FAM83D: variants seen among roughly 807,000 people sequenced by gnomAD.
The protein encoded by FAM83D is scaffolding CK1 anchoring protein D.
A neutral mutation model predicts 25.4 loss-of-function variants in FAM83D; 26 were observed. The observed-to-expected ratio is 1.02, with a 90% CI of 0.75 to 1.42. The LOEUF (loss-of-function observed/expected upper bound fraction) is 1.42. FAM83D is among the 40% of genes most tolerant of loss of function. The pLI is 0.00. For synonymous variants in FAM83D, 310 were observed against 318.5 expected (o/e 0.97, Z 0.28); for missense variants, 740 against 758.1 (o/e 0.98, Z 0.28).
At chr20:38,929,808 AAG>A (rs1205329495) in intron 1 of FAM83D, among the ~76,000 whole-genome samples, 1 of 151,788 alleles carries the variant, frequency 6.6e-6, no homozygotes, top group Non-Finnish European at 1.5e-5. Flanking sequence ...AAAAAAAAAA[AAG>A]TAATGCTTTC....
At chr20:38,951,060 G>C (rs1009590535) in intron 3 of FAM83D, among the ~76,000 whole-genome samples, 1 of 152,096 alleles carries the variant, frequency 6.6e-6, no homozygotes, top group African/African-American at 2.4e-5. Flanking sequence ...TGACCTCAAA[G>C]GATCTGCCCA....
intron 2 of FAM83D, among the ~76,000 whole-genome samples, chr20:38,946,197 CAAAAAAAAAAAAAA>C (rs56740383): frequency 3.8e-5 from 3 of 78,558 alleles, no homozygotes. Context: ...GACTCCACCT[CAAAAAAAAAAAAAA>C]AAAAAAAAAC....
At position 38,948,016 on chromosome 20, in the gene FAM83D, G is replaced by T. The variant is rs201643737; in HGVS notation, c.776+16G>T. 5.0e-6 allele frequency: 8 copies of T among 1,612,272 alleles called. No homozygotes were observed. The highest frequency in any genetic ancestry group is 2.2e-5 in the South Asian group (2 of 90,734). On this transcript the variant is annotated intron_variant, in intron 3 of 3. Coordinates refer to ENST00000619850, the MANE Select transcript of FAM83D (RefSeq NM_030919.3). ...GCTCCTACAGGTAAGTCTCTAACCCGTCCAAGGCTTATTAATCTAAACTCT... is the reference window on the plus strand; with the variant it reads ...GCTCCTACAGGTAAGTCTCTAACCCTTCCAAGGCTTATTAATCTAAACTCT...
rs1474318964 is a variant in FAM83D, at chr20:38,926,746, T to A, written c.304T>A (p.Phe102Ile). The A allele has an allele frequency of 6.5e-7, 1 of 1,536,048 alleles. No individual in the cohort carries two copies. Among genetic ancestry groups the A allele is most frequent in the African/African-American group, 1.4e-5 (1 of 71,964 alleles). ...SSHDCSSGTY[F>I]PEQSDLEPPL... ...GCACGACTGCTCTTCGGGCACCTAC[T>A]TCCCCGAGCAGTCGGACCTGGAGCC... The change falls in exon 1 of 4, where the codon TTC (phenylalanine) becomes ATC (isoleucine). Residue 102 changes from phenylalanine to isoleucine, a missense_variant. Physicochemically the swap from Phe to Ile is conservative, Grantham distance 21. This residue lies in a region of FAM83D where 333 missense variants were observed against 298.6 expected (regional missense o/e 1.12). Transcript: ENST00000619850.
intron 1 of FAM83D, among the ~76,000 whole-genome samples, chr20:38,932,877 G>A (rs1299994815): frequency 6.6e-6 from 1 of 152,182 alleles, no homozygotes; most frequent in Non-Finnish European, 1.5e-5. Flanking sequence ...TCACCCTCGG[G>A]CATCCTCTTG....
intron 1 of FAM83D, among the ~76,000 whole-genome samples, chr20:38,929,964 A>T (rs994629716): frequency 6.6e-6 from 1 of 152,204 alleles, no homozygotes; most frequent in Non-Finnish European, 1.5e-5. Flanking sequence ...ACTCAAATTG[A>T]GGCACAGAAT....
chr20:38,948,841 C>T (rs2085740812), intron 3 of FAM83D, among the ~76,000 whole-genome samples: 1 of 152,178 alleles, frequency 6.6e-6, no homozygotes, highest in African/African-American at 2.4e-5. Context: ...ATCTTGACAC[C>T]TTTCTTTTTC....
At chr20:38,927,724 C>G (rs950819694) in intron 1 of FAM83D, among the ~76,000 whole-genome samples, 1 of 151,978 alleles carries the variant, frequency 6.6e-6, no homozygotes, top group Non-Finnish European at 1.5e-5. Context: ...GTCTCGAACT[C>G]CTGACCTCAG....
At chr20:38,946,036 C>T (rs910096301) in intron 2 of FAM83D, among the ~76,000 whole-genome samples, 3 of 151,648 alleles carry the variant, frequency 2.0e-5, no homozygotes, top group Admixed American at 1.3e-4. Context: ...GGCGAAACCC[C>T]GTCTCTACTA....
chr20:38,947,757 G>C (rs373819260), intron 2 of FAM83D, 119 bp from the exon 3 acceptor site: 1 of 1,216,970 alleles, frequency 8.2e-7, no homozygotes, highest in East Asian at 2.4e-5. Flanking sequence ...CCTAAGCCAC[G>C]CATATGCCAA....
chr20:38,935,815 G>A (rs1238477689), intron 1 of FAM83D, among the ~76,000 whole-genome samples: 1 of 152,194 alleles, frequency 6.6e-6, no homozygotes, highest in African/African-American at 2.4e-5. Flanking sequence ...TTTAGGTTTC[G>A]CTGTGGGAAT....
chr20:38,946,780 T>C (rs889795475), intron 2 of FAM83D, among the ~76,000 whole-genome samples: 2 of 152,220 alleles, frequency 1.3e-5, no homozygotes, highest in African/African-American at 4.8e-5. Flanking sequence ...CATTGCTGAG[T>C]ATTGTATGGT....
In FAM83D at chr20:38,942,141, A is replaced by G. The variant is rs768261814; in HGVS notation, c.651+15A>G. 1.4e-5 allele frequency: 22 copies of G among 1,613,810 alleles called. No individual in the cohort carries two copies. The highest frequency in any genetic ancestry group is 1.8e-5 in the Non-Finnish European group (21 of 1,179,688). ...AACAGGAAAAGGTTTGTGGTACACT[A>G]TATCCAGTTTCACCATAGTCAACAA... On this transcript the variant is annotated intron_variant, in intron 2 of 3. Transcript: ENST00000619850.
chr20:38,946,268 A>G (rs1299100717), intron 2 of FAM83D, among the ~76,000 whole-genome samples: 1 of 151,902 alleles, frequency 6.6e-6, no homozygotes, highest in Admixed American at 6.6e-5. Context: ...TCAAAGTTAA[A>G]TTCAGATTAC....
chr20:38,927,056 TGGTCCCAG>T (rs1328722093), intron 1 of FAM83D, 131 bp downstream of exon 1: 2 of 1,377,094 alleles, frequency 1.5e-6, no homozygotes, highest in Non-Finnish European at 1.9e-6. Flanking sequence ...GCGGGCTAGG[TGGTCCCAG>T]GGTCTCCGAC....
At position 38,947,980 on chromosome 20, in the gene FAM83D, C is replaced by T. The variant is rs77993973; in HGVS notation, c.756C>T (p.Arg252=). 1.8e-3 allele frequency: 2,931 copies of T among 1,614,136 alleles called. 37 individuals carry two copies. The African/African-American group carries it at 0.031, about 17-fold the overall frequency. The stretch of plus-strand genomic sequence containing the variant: ...AGTTCACGTTGATTGATGGCATCCG[C>T]GTGGCAACAGGCTCCTACAGGTAAG... ...HEKFTLIDGI[R]VATGSYSFTW... is the part of the protein sequence containing the mutation. Residue 252 remains arginine, a synonymous_variant, in exon 3 of 4, where the codon CGC becomes CGT. Transcript: ENST00000619850.
chr20:38,944,558 A>G (rs548534274), intron 2 of FAM83D, among the ~76,000 whole-genome samples: 2 of 152,374 alleles, frequency 1.3e-5, no homozygotes, highest in East Asian at 3.9e-4. Context: ...TCTACTAGAC[A>G]GAAATCTATG....
At chr20:38,930,462 A>C (rs1216642016) in intron 1 of FAM83D, among the ~76,000 whole-genome samples, 1 of 151,996 alleles carries the variant, frequency 6.6e-6, no homozygotes, top group Non-Finnish European at 1.5e-5. Flanking sequence ...TCTGAAGCTC[A>C]AGTGTTTTTT....
Position 38,952,581 on chromosome 20 carries a change from G to A in FAM83D, c.*61G>A, listed in dbSNP as rs1054902390. ...TTACAGTGGACATCATCAGCTTCCTGCTTTAAAAAATATCTTATGTCCCTA... is the reference window on the plus strand; with the variant it reads ...TTACAGTGGACATCATCAGCTTCCTACTTTAAAAAATATCTTATGTCCCTA... On this transcript the variant is annotated 3_prime_UTR_variant, in exon 4 of 4. Coordinates refer to ENST00000619850, the MANE Select transcript of FAM83D (RefSeq NM_030919.3). 29 of 1,526,338 alleles carry A rather than the reference G, an allele frequency of 1.9e-5. 1 individual carries two copies. The South Asian group carries it at 3.8e-4, about 20-fold the overall frequency. The allele number at this position is 1,526,338 out of a possible 1,614,324, so 94.5% of individuals were successfully genotyped here.
Sources: allele counts gnomAD v4.1 joint callset (sites outside exome capture counted in the v4.1 genomes callset), GRCh38; gene constraint gnomAD v4.1.1; regional missense constraint gnomAD v4.1.1; transcripts MANE v1.5; gene names NCBI Gene and HGNC (gene_info 2026-07-23, HGNC 2026-07-21).